The following CELF2 variants were observed in gnomAD, a reference collection of about 807,000 sequenced individuals.
The protein encoded by CELF2 is CUG triplet repeat RNA-binding protein 2.
A neutral mutation model predicts 62.6 loss-of-function variants in CELF2; 8 were observed. The observed-to-expected ratio is 0.13, with a 90% confidence interval of 0.07 to 0.23. The LOEUF is 0.23. Ranked by LOEUF, CELF2 falls within the 10% of genes least tolerant of loss-of-function variation. The pLI is 1.00. For synonymous variants in CELF2, 258 were observed against 250.0 expected (o/e 1.03, Z -0.30); for missense variants, 333 against 671.0 (o/e 0.50, Z 5.56).
Position 11,165,831 on chromosome 10 carries a change from T to C in CELF2, c.271+149T>C. 1 of 728,258 alleles carries C rather than the reference T, an allele frequency of 1.4e-6. No homozygotes were observed. The highest frequency in any genetic ancestry group is 2.2e-6 in the Non-Finnish European group (1 of 460,796). 45.1% of individuals were successfully genotyped at this position (728,258 alleles called of 1,614,324 possible). A position where few individuals can be genotyped will look rare whatever the true frequency, so the allele number is the denominator to read the frequency against. ...CTGGCGGCCCCTGTGCTCCAGGGGC[T>C]GCTCCCGACTCCTCCCCGCACCCCC... On this transcript the variant is annotated intron_variant, in intron 2 of 12. Coordinates refer to ENST00000633077, the MANE Select transcript of CELF2 (RefSeq NM_001326342.2). The surrounding 1 kb of genome is among the most constrained non-coding windows in gnomAD (Gnocchi z 7.4).
In CELF2 at chr10:11,074,246, T is replaced by G. The variant is rs182050886; in HGVS notation, c.74+56083T>G. Among the ~76,000 whole-genome samples, 609 of 152,366 alleles carry G rather than the reference T, an allele frequency of 4.0e-3. 2 individuals are homozygous for G. Among genetic ancestry groups the G allele is most frequent in the Non-Finnish European group, 7.2e-3 (490 of 68,038 alleles). ...TCTCAAGTCATCTGATACCAAAAGT[T>G]CAACTATTATCCCATGAGGGTGCTG... On this transcript the variant is annotated intron_variant, in intron 1 of 12. Coordinates refer to ENST00000633077, the MANE Select transcript of CELF2 (RefSeq NM_001326342.2).
the CELF2 span, among the ~76,000 whole-genome samples, chr10:10,705,669 C>A: frequency 1.3e-5 from 2 of 152,110 alleles, no homozygotes; most frequent in African/African-American, 4.8e-5. Flanking sequence ...CTTGGATGTC[C>A]CCTGTCACTG....
At chr10:11,222,348 T>C (rs2065107893) in intron 3 of CELF2, among the ~76,000 whole-genome samples, 2 of 152,238 alleles carry the variant, frequency 1.3e-5, no homozygotes, top group African/African-American at 4.8e-5. Flanking sequence ...CCATAAAATC[T>C]CTCAAACCTC....
chr10:10,531,420 TA>T, the CELF2 span, among the ~76,000 whole-genome samples: 3 of 152,194 alleles, frequency 2.0e-5, no homozygotes, highest in African/African-American at 7.2e-5. Context: ...GATAATAAAA[TA>T]ACCAATGATT....
chr10:11,331,457 G>GT lies in CELF2; in HGVS notation c.*2411dup, dbSNP rs766629927. 5.9e-4 allele frequency: 55 copies of GT among 93,714 alleles called. No individual in the cohort carries two copies. Among genetic ancestry groups the GT allele is most frequent in the Non-Finnish European group, 1.0e-3 (46 of 44,256 alleles). The allele number at this position is 93,714 out of a possible 1,614,324, so 5.8% of individuals were successfully genotyped here. A position where few individuals can be genotyped will look rare whatever the true frequency, so the allele number is the denominator to read the frequency against. Reference sequence around the variant, plus strand: ...GTGTTTGTGTTCAGCAAAATGTGATGTTTTTTTCTTTTAAAGAAAAAAAGT... The same window carrying GT: ...GTGTTTGTGTTCAGCAAAATGTGATGTTTTTTTTCTTTTAAAGAAAAAAAGT... On this transcript the variant is annotated 3_prime_UTR_variant, in exon 13 of 13. Coordinates refer to ENST00000633077, the MANE Select transcript of CELF2 (RefSeq NM_001326342.2).
chr10:11,288,374 G>T, intron 8 of CELF2, 44 bp from the exon 9 acceptor site: 1 of 1,608,424 alleles, frequency 6.2e-7, no homozygotes, highest in Non-Finnish European at 8.5e-7. Flanking sequence ...AACTGTAGAA[G>T]TGTGAGGCCT....
the CELF2 span, among the ~76,000 whole-genome samples, chr10:10,692,273 C>A: frequency 6.6e-6 from 1 of 151,172 alleles, no homozygotes; most frequent in Admixed American, 6.6e-5. Flanking sequence ...GGAATCCTTT[C>A]CCCATTGCTT....
the CELF2 span, among the ~76,000 whole-genome samples, chr10:10,599,717 C>A: frequency 1.2e-3 from 163 of 136,832 alleles, no homozygotes; most frequent in African/African-American, 4.3e-3. Context: ...CTGCCCTTTT[C>A]TTTCTTTCTT....
At chr10:10,554,322 T>C in the CELF2 span, among the ~76,000 whole-genome samples, 1 of 152,148 alleles carries the variant, frequency 6.6e-6, no homozygotes, top group Admixed American at 6.5e-5. Context: ...ATGCCTCCTG[T>C]ATCAGCAGAG....
chr10:11,228,718 CAAAAAAA>C (rs56167230), intron 3 of CELF2, among the ~76,000 whole-genome samples: 1 of 135,164 alleles, frequency 7.4e-6, no homozygotes, highest in African/African-American at 2.9e-5. Flanking sequence ...GCGCCCCTCG[CAAAAAAA>C]AAAAAAAAAA....
At chr10:10,649,782 T>G in the CELF2 span, among the ~76,000 whole-genome samples, 1 of 152,096 alleles carries the variant, frequency 6.6e-6, no homozygotes, top group Admixed American at 6.6e-5. Flanking sequence ...AGGACCCGCG[T>G]GTAGTGTAGG....
In CELF2 at chr10:11,314,324, T is replaced by C. The variant is rs550611538; in HGVS notation, c.1096+66T>C. 715 of 1,610,846 alleles carry C rather than the reference T, an allele frequency of 4.4e-4. 9 individuals carry two copies. The South Asian group carries it at 7.6e-3, about 17-fold the overall frequency. On this transcript the variant is annotated intron_variant, in intron 10 of 12. Coordinates refer to ENST00000633077, the MANE Select transcript of CELF2 (RefSeq NM_001326342.2). This position sits in a 1 kb window ranked among gnomAD's most constrained non-coding sequence, Gnocchi z 5.3. ...CTTCCCCCAAATTCTCCACAGAAAG[T>C]GGTCAGCCAGAAATGACCCGAAAAA...
chr10:10,802,652 G>T (rs2054791542), intron 1 of CELF2, among the ~76,000 whole-genome samples: 1 of 152,100 alleles, frequency 6.6e-6, no homozygotes. Flanking sequence ...CTCTGGGGAA[G>T]GATTAAAAAC....
chr10:11,082,396 A>G (rs544847230), intron 1 of CELF2, among the ~76,000 whole-genome samples: 8 of 152,218 alleles, frequency 5.3e-5, no homozygotes, highest in African/African-American at 7.2e-5. Flanking sequence ...TAGTTGTTCT[A>G]TATTTCCAGA....
the CELF2 span, among the ~76,000 whole-genome samples, chr10:10,769,454 A>G: frequency 6.6e-5 from 10 of 152,110 alleles, no homozygotes; most frequent in Non-Finnish European, 1.5e-4. Flanking sequence ...GGGATTTTTC[A>G]TATCATAATA....
At chr10:11,063,146 A>G (rs1190570711) in intron 1 of CELF2, among the ~76,000 whole-genome samples, 3 of 152,226 alleles carry the variant, frequency 2.0e-5, no homozygotes, top group African/African-American at 7.2e-5. Context: ...TGATTTCTGT[A>G]TGCACTGGGA....
chr10:10,612,494 T>C, the CELF2 span, among the ~76,000 whole-genome samples: 1 of 151,842 alleles, frequency 6.6e-6, no homozygotes, highest in Non-Finnish European at 1.5e-5. Context: ...AGGGAGAAAA[T>C]GAACCATTCT....
At chr10:11,190,996 A>G (rs969820713) in intron 2 of CELF2, among the ~76,000 whole-genome samples, 32 of 152,266 alleles carry the variant, frequency 2.1e-4, no homozygotes, top group African/African-American at 7.5e-4. Flanking sequence ...CAGCAGCATC[A>G]ATGTATTTAA....
the CELF2 span, among the ~76,000 whole-genome samples, chr10:10,702,308 A>T: frequency 1.2e-3 from 186 of 152,268 alleles, 1 homozygote; most frequent in East Asian, 4.4e-3. Flanking sequence ...AGAGGAAGGT[A>T]TGCTTCACTT....
Sources: gnomAD v4.1 joint callset for allele counts (sites outside exome capture counted in the v4.1 genomes callset) on GRCh38, gnomAD v4.1.1 for gene constraint, Gnocchi (gnomAD v3.1) non-coding constraint, MANE v1.5 for transcripts, NCBI Gene and HGNC (gene_info 2026-07-23, HGNC 2026-07-21) for gene names.